Variants in KRT17 observed in about 807,000 individuals in gnomAD.
The protein encoded by KRT17 is keratin 17.
A neutral mutation model predicts 45.6 loss-of-function variants in KRT17; 29 were observed. That is an observed-to-expected ratio of 0.64 (90% CI 0.47 to 0.87). The LOEUF (loss-of-function observed/expected upper bound fraction) is 0.87. Ranked by LOEUF, KRT17 falls within the 40% of genes least tolerant of loss-of-function variation. The pLI is 0.00. For synonymous variants in KRT17, 219 were observed against 234.6 expected (o/e 0.93, Z 0.61); for missense variants, 536 against 577.8 (o/e 0.93, Z 0.74).
At chr17:41,623,209 C>T (rs1908607027) in intron 1 of KRT17, 177 bp from the exon 2 acceptor site, 1 of 607,632 alleles carries the variant, frequency 1.6e-6, no homozygotes. Context: ...AAAGGTGCCT[C>T]TTCTTCCCCC....
rs1908470462 is a variant in KRT17 at position 41,619,662 on chromosome 17, T to C, written c.1231A>G (p.Ile411Val). The C allele has an allele frequency of 1.9e-6, 3 of 1,612,044 alleles. No homozygotes were observed. The highest frequency in any genetic ancestry group is 2.5e-6 in the Non-Finnish European group (3 of 1,180,016). Residue 411 changes from isoleucine (I) to valine (V), a missense_variant, in exon 8 of 8, where the codon ATT (isoleucine) becomes GTT (valine). By Grantham distance (29) the Ile-to-Val change is conservative. Coordinates refer to ENST00000311208, the MANE Select transcript of KRT17 (RefSeq NM_000422.3). ...TTGCCATCCTGGACCTCTTCCACAA[T>C]GGTACGCACCTGACGGGTGGTCACC... ...EPVTTRQVRT[I>V]VEEVQDGKVI...
chr17:41,620,653 A>G lies in KRT17; in HGVS notation c.1181+6T>C, dbSNP rs201636904. On this transcript the variant is annotated splice_donor_region_variant and intron_variant, in intron 6 of 7. Transcript: ENST00000311208. ...CCCAGCCCTGACCCCAGGCGCCCCC[A>G]CTCACTGGGCATCCTCTCCCTCCAG... 6.2e-7 allele frequency: 1 copy of G among 1,609,800 alleles called. No individual in the cohort carries two copies. The highest frequency in any genetic ancestry group is 2.2e-5 in the East Asian group (1 of 44,776).
rs199533432 is a variant in KRT17 at position 41,624,285 on chromosome 17, A to G, written c.225T>C (p.Gly75=). ...CACCTCCAGCCAGCAGCCCATCAAC[A>G]CCCCCAAAGCTGCTGCCATAGCCAC... ...SGGGYGSSFG[G]VDGLLAGGEK... The change falls in exon 1 of 8, where the codon GGT becomes GGC. Residue 75 remains glycine (G), a synonymous_variant. Transcript: ENST00000311208. 261 of 1,611,678 alleles carry G rather than the reference A, an allele frequency of 1.6e-4. No homozygotes were observed. The highest frequency in any genetic ancestry group is 4.3e-4 in the Middle Eastern group (2 of 4,636).
In KRT17 at chr17:41,620,654, C is replaced by T. The variant is rs1200952930; in HGVS notation, c.1181+5G>A. 2 of 1,612,102 alleles carry T rather than the reference C, an allele frequency of 1.2e-6. No homozygotes were observed. Among genetic ancestry groups the T allele is most frequent in the Admixed American group, 1.7e-5 (1 of 60,028 alleles). Reference sequence around the variant, plus strand: ...CCAGCCCTGACCCCAGGCGCCCCCACTCACTGGGCATCCTCTCCCTCCAGC... The same window carrying T: ...CCAGCCCTGACCCCAGGCGCCCCCATTCACTGGGCATCCTCTCCCTCCAGC... On this transcript the variant is annotated splice_donor_5th_base_variant and intron_variant, in intron 6 of 7. Transcript: ENST00000311208.
chr17:41,624,279 A>G lies in KRT17; in HGVS notation c.231T>C (p.Asp77=), dbSNP rs953768141. Residue 77 remains aspartate, a synonymous_variant, in exon 1 of 8, where the codon GAT becomes GAC. Coordinates refer to ENST00000311208, the MANE Select transcript of KRT17 (RefSeq NM_000422.3). ...GGYGSSFGGV[D]GLLAGGEKAT... is the part of the protein sequence containing the mutation. ...CCTTCTCACCTCCAGCCAGCAGCCC[A>G]TCAACACCCCCAAAGCTGCTGCCAT... is the stretch of plus-strand genomic sequence containing the variant. The G allele has an allele frequency of 6.2e-7, 1 of 1,612,486 alleles. No individual in the cohort carries two copies. Among genetic ancestry groups the G allele is most frequent in the African/African-American group, 1.3e-5 (1 of 74,982 alleles).
chr17:41,624,561 G>A lies in KRT17; in HGVS notation c.-52C>T, dbSNP rs747012803. On this transcript the variant is annotated 5_prime_UTR_variant, in exon 1 of 8. Transcript: ENST00000311208. ...CAGGAGAAGGGCTGGAGAGGAGAGG[G>A]GCCCCAAGTTGTGTAGGGCTGCCGG... 1.3e-6 allele frequency: 2 copies of A among 1,563,042 alleles called. No individual in the cohort carries two copies. The highest frequency in any genetic ancestry group is 4.5e-5 in the East Asian group (2 of 44,356).
At chr17:41,623,241 C>A (rs1908608137) in intron 1 of KRT17, 1 of 546,390 alleles carries the variant, frequency 1.8e-6, no homozygotes. Context: ...CCCCACCAGA[C>A]CCCCATGGCA....
chr17:41,619,562 C>T lies in KRT17; in HGVS notation c.*32G>A. 1 of 1,611,824 alleles carries T rather than the reference C, an allele frequency of 6.2e-7. No individual in the cohort carries two copies. The highest frequency in any genetic ancestry group is 8.5e-7 in the Non-Finnish European group (1 of 1,179,884). On this transcript the variant is annotated 3_prime_UTR_variant, in exon 8 of 8. Coordinates refer to ENST00000311208, the MANE Select transcript of KRT17 (RefSeq NM_000422.3). ...GCAGATGGGGCGGCTGCCTCCCTGC[C>T]TCCTGGGTGGCCGGCCGGGGTAGCT...
chr17:41,620,042 C>T (rs953246889), intron 7 of KRT17: 30 of 985,294 alleles, frequency 3.0e-5, no homozygotes, highest in African/African-American at 3.5e-5. Context: ...CCCCATCAGA[C>T]TGGGATCGCC....
chr17:41,621,306 A>T (rs1212803721), intron 4 of KRT17, among the ~76,000 whole-genome samples: 1 of 152,224 alleles, frequency 6.6e-6, no homozygotes, highest in African/African-American at 2.4e-5. Context: ...CAGAACATGT[A>T]GCCTGGCTCT....
At position 41,624,530 on chromosome 17, in the gene KRT17, G is replaced by T; in HGVS notation, c.-21C>A. The T allele has an allele frequency of 6.2e-7, 1 of 1,605,246 alleles. No individual in the cohort carries two copies. Among genetic ancestry groups the T allele is most frequent in the Non-Finnish European group, 8.5e-7 (1 of 1,176,032 alleles). On this transcript the variant is annotated 5_prime_UTR_variant, in exon 1 of 8. It adds an upstream start codon to the 5' untranslated region. Coordinates refer to ENST00000311208, the MANE Select transcript of KRT17 (RefSeq NM_000422.3). ...GTCATGGTGGCGGCGGCAGGAGGCAGGCACACAGGAGAAGGGCTGGAGAGG... is the reference window on the plus strand; with the variant it reads ...GTCATGGTGGCGGCGGCAGGAGGCATGCACACAGGAGAAGGGCTGGAGAGG...
chr17:41,623,628 G>A (rs776134340), intron 1 of KRT17, among the ~76,000 whole-genome samples: 21 of 145,310 alleles, frequency 1.4e-4, no homozygotes, highest in Non-Finnish European at 3.0e-4. Flanking sequence ...CTGAGGTCCC[G>A]CCCCCTCCTT....
chr17:41,622,859 C>T (rs967219924), intron 2 of KRT17, 91 bp downstream of exon 2: 20 of 1,188,404 alleles, frequency 1.7e-5, no homozygotes, highest in Non-Finnish European at 2.5e-5. Flanking sequence ...GGCCTTGCCA[C>T]AAGCAACCAA....
At chr17:41,623,113 T>C in intron 1 of KRT17, 81 bp from the exon 2 acceptor site, 3 of 1,055,176 alleles carry the variant, frequency 2.8e-6, no homozygotes, top group Non-Finnish European at 4.5e-6. Flanking sequence ...TCTTCCTGCC[T>C]CAGGGCCTCT....
rs541864415 is a variant in KRT17 at position 41,619,888 on chromosome 17, C to T, written c.1205-200G>A. ...CCTCCCTTCCATCCCATCCCTCTGC[C>T]GGTGGCCCTGTGTGAGTCTTGCCTC... On this transcript the variant is annotated intron_variant, in intron 7 of 7. Transcript: ENST00000311208. 109 of 985,398 alleles carry T rather than the reference C, an allele frequency of 1.1e-4. No individual in the cohort carries two copies. In the African/African-American group the frequency reaches 1.7e-3, roughly 15 times the overall value. The allele number at this position is 985,398 out of a possible 1,614,324, so 61.0% of individuals were successfully genotyped here.
Position 41,624,498 on chromosome 17 carries a change from G to A in KRT17, c.12C>T (p.Ser4=), listed in dbSNP as rs1908663013. MTT[S]IRQFTSSSSI... ...AGCTGGAGGAGGTGAACTGGCGGATGGAGGTGGTCATGGTGGCGGCGGCAG... is the reference window on the plus strand; with the variant it reads ...AGCTGGAGGAGGTGAACTGGCGGATAGAGGTGGTCATGGTGGCGGCGGCAG... Residue 4 remains serine (S), a synonymous_variant, in exon 1 of 8, where the codon TCC becomes TCT. Transcript: ENST00000311208. 17 of 1,610,198 alleles carry A rather than the reference G, an allele frequency of 1.1e-5. No homozygotes were observed. The highest frequency in any genetic ancestry group is 1.4e-5 in the Non-Finnish European group (17 of 1,179,472).
In KRT17 at chr17:41,621,094, G is replaced by A. The variant is rs113343731; in HGVS notation, c.835-3C>T. ...ACCTCGCGGTTCAGTTCCTCTGTCT[G>A]CAGACAGGACACAGGACAGGGCGGT... On this transcript the variant is annotated splice_region_variant and splice_polypyrimidine_tract_variant and intron_variant, in intron 4 of 7. Coordinates refer to ENST00000311208, the MANE Select transcript of KRT17 (RefSeq NM_000422.3). The A allele has an allele frequency of 2.5e-6, 4 of 1,613,794 alleles. No homozygotes were observed. In the South Asian group the frequency reaches 4.4e-5, roughly 18 times the overall value.
intron 1 of KRT17, among the ~76,000 whole-genome samples, chr17:41,623,504 G>A (rs959836819): frequency 2.0e-5 from 3 of 152,134 alleles, no homozygotes; most frequent in East Asian, 3.9e-4. Context: ...AACCCTGGGC[G>A]CCAGCCAGCA....
In KRT17 at chr17:41,624,289, C is replaced by T; in HGVS notation, c.221G>A (p.Gly74Glu). The part of the protein sequence containing the change: ...GSGGGYGSSF[G>E]GVDGLLAGGE... ...TCCAGCCAGCAGCCCATCAACACCC[C>T]CAAAGCTGCTGCCATAGCCACCACC... is the stretch of plus-strand genomic sequence containing the variant. The change falls in exon 1 of 8, where the codon GGG (glycine) becomes GAG (glutamate). Residue 74 changes from glycine (G) to glutamate (E), a missense_variant. By Grantham distance (98) the Gly-to-Glu change is moderately conservative. Coordinates refer to ENST00000311208, the MANE Select transcript of KRT17 (RefSeq NM_000422.3). 6.2e-7 allele frequency: 1 copy of T among 1,612,440 alleles called. No individual in the cohort carries two copies. The highest frequency in any genetic ancestry group is 8.5e-7 in the Non-Finnish European group (1 of 1,180,002).
Sources: allele counts gnomAD v4.1 joint callset (sites outside exome capture counted in the v4.1 genomes callset), GRCh38; gene constraint gnomAD v4.1.1; transcripts MANE v1.5; gene names NCBI Gene and HGNC (gene_info 2026-07-23, HGNC 2026-07-21).